The following GRIP1 variants were observed in gnomAD, a reference collection of about 807,000 sequenced individuals.
GRIP1 encodes the protein glutamate receptor-interacting protein 1.
A neutral mutation model predicts 129.9 loss-of-function variants in GRIP1; 45 were observed. The ratio of observed to expected loss-of-function variants is 0.35; its 90% confidence interval spans 0.27 to 0.44. The LOEUF (loss-of-function observed/expected upper bound fraction) is 0.44, where lower values mean the gene tolerates loss of function less well. Among genes scored for constraint, GRIP1 ranks in the 20% least tolerant of loss-of-function variants. The pLI, the probability that GRIP1 is intolerant of heterozygous loss-of-function variation, is 1.00. For synonymous variants in GRIP1, 530 were observed against 520.8 expected (o/e 1.02, Z -0.24); for missense variants, 1,196 against 1,396.8 (o/e 0.86, Z 2.29).
intron 1 of GRIP1, among the ~76,000 whole-genome samples, chr12:66,741,007 T>C (rs1469130117): frequency 6.6e-6 from 1 of 152,046 alleles, no homozygotes; most frequent in Non-Finnish European, 1.5e-5. Flanking sequence ...AGAAAAAAAA[T>C]GTCCAATTTG....
At chr12:66,972,297 T>C (rs2042086593) in intron 1 of GRIP1, among the ~76,000 whole-genome samples, 6 of 152,216 alleles carry the variant, frequency 3.9e-5, no homozygotes. Flanking sequence ...AAGCTTACTA[T>C]TCTTTGAGGC....
At position 66,933,741 on chromosome 12, in the gene GRIP1, T is replaced by C. The variant is rs534667608; in HGVS notation, c.58+135309A>G. Among the ~76,000 whole-genome samples the C allele has an allele frequency of 1.4e-4, 21 of 152,310 alleles. 1 individual carries two copies. Among genetic ancestry groups the C allele is most frequent in the African/African-American group, 4.6e-4 (19 of 41,586 alleles). On this transcript the variant is annotated intron_variant, in intron 1 of 1. Transcript: ENST00000643019. Reference sequence around the variant, plus strand: ...TATATAGTACAATAATGTTTATTCATGTCAAGCTGGAATTTGCTTCCCTTC... The same window carrying C: ...TATATAGTACAATAATGTTTATTCACGTCAAGCTGGAATTTGCTTCCCTTC...
chr12:66,945,475 G>A (rs897340973), intron 1 of GRIP1, among the ~76,000 whole-genome samples: 9 of 152,062 alleles, frequency 5.9e-5, no homozygotes, highest in East Asian at 1.9e-4. Flanking sequence ...TGCCACCTGC[G>A]CAGCTTCTGG....
intron 7 of GRIP1, among the ~76,000 whole-genome samples, chr12:66,501,872 C>T (rs913632189): frequency 8.5e-5 from 13 of 152,112 alleles, no homozygotes; most frequent in African/African-American, 2.9e-4. Context: ...AATGGCTTCA[C>T]AGCAGCATGT....
chr12:66,477,414 A>G (rs11532478), intron 7 of GRIP1, among the ~76,000 whole-genome samples: 39,681 of 150,564 alleles, frequency 0.26, 5,485 homozygotes, highest in Middle Eastern at 0.44. Flanking sequence ...CCATGCTCAT[A>G]GATAGGAAGA....
At chr12:66,684,678 C>G (rs1394556230) in intron 1 of GRIP1, among the ~76,000 whole-genome samples, 3 of 152,056 alleles carry the variant, frequency 2.0e-5, no homozygotes, top group Non-Finnish European at 4.4e-5. Flanking sequence ...AACCCTGTGT[C>G]TACTAAAAAC....
At chr12:66,643,963 A>C (rs967280748) in intron 1 of GRIP1, among the ~76,000 whole-genome samples, 1 of 152,200 alleles carries the variant, frequency 6.6e-6, no homozygotes, top group Non-Finnish European at 1.5e-5. Flanking sequence ...GACTGGGAAG[A>C]AAAAGATGTT....
chr12:66,434,993 T>C (rs1217610577), intron 13 of GRIP1, among the ~76,000 whole-genome samples: 1 of 152,190 alleles, frequency 6.6e-6, no homozygotes, highest in Non-Finnish European at 1.5e-5. Flanking sequence ...GGAGTGCATG[T>C]TTCTTGCTGG....
chr12:67,041,326 A>ATG (rs756600925), intron 1 of GRIP1, among the ~76,000 whole-genome samples: 1 of 150,650 alleles, frequency 6.6e-6, no homozygotes, highest in South Asian at 2.1e-4. Context: ...ACACGTGTGT[A>ATG]TGTGTGTGTG....
chr12:66,519,844 GAGA>G (rs1246760395), intron 5 of GRIP1, among the ~76,000 whole-genome samples: 1 of 152,200 alleles, frequency 6.6e-6, no homozygotes, highest in Non-Finnish European at 1.5e-5. Flanking sequence ...AGAATTACTA[GAGA>G]AGGTTTCCTT....
At chr12:67,043,777 A>G (rs185396647) in intron 1 of GRIP1, among the ~76,000 whole-genome samples, 1 of 152,346 alleles carries the variant, frequency 6.6e-6, no homozygotes. Flanking sequence ...ACTATAAGCT[A>G]CTGCACATTA....
At chr12:66,519,974 A>G (rs189940354) in intron 5 of GRIP1, among the ~76,000 whole-genome samples, 130 of 152,326 alleles carry the variant, frequency 8.5e-4, no homozygotes, top group African/African-American at 3.0e-3. Flanking sequence ...CCAGAACATC[A>G]TTTTTATTCT....
At chr12:66,567,739 C>T (rs1048852464) in intron 2 of GRIP1, 1 of 219,518 alleles carries the variant, frequency 4.6e-6, no homozygotes, top group South Asian at 8.1e-5. Context: ...CAGAAGGCTT[C>T]TCATCCTTTG....
chr12:66,957,827 T>C (rs1476600024), intron 1 of GRIP1, among the ~76,000 whole-genome samples: 3 of 152,210 alleles, frequency 2.0e-5, no homozygotes, highest in Non-Finnish European at 4.4e-5. Context: ...TTCCATACTC[T>C]ACTCTTTGGA....
At chr12:66,453,989 A>G (rs993651964) in intron 11 of GRIP1, among the ~76,000 whole-genome samples, 1 of 152,216 alleles carries the variant, frequency 6.6e-6, no homozygotes, top group Non-Finnish European at 1.5e-5. Flanking sequence ...ACTAAACTCA[A>G]TCTTCCACTT....
At chr12:66,871,311 A>G (rs1407088406) in intron 1 of GRIP1, among the ~76,000 whole-genome samples, 4 of 152,118 alleles carry the variant, frequency 2.6e-5, no homozygotes, top group African/African-American at 9.7e-5. Context: ...TCCCAGTTAT[A>G]TATTTCTAGC....
intron 15 of GRIP1, among the ~76,000 whole-genome samples, chr12:66,411,201 G>A (rs1286064416): frequency 2.0e-5 from 3 of 152,132 alleles, no homozygotes; most frequent in Admixed American, 2.0e-4. Flanking sequence ...GACTGGGTGT[G>A]ACCTCCCAAC....
chr12:66,880,032 A>C (rs2040448602), intron 1 of GRIP1, among the ~76,000 whole-genome samples: 1 of 152,100 alleles, frequency 6.6e-6, no homozygotes, highest in African/African-American at 2.4e-5. Flanking sequence ...CAAGTGATTA[A>C]TATTGTGCAG....
Position 66,379,277 on chromosome 12 carries a change from T to C in GRIP1, c.2621+3A>G. The C allele has an allele frequency of 6.2e-7, 1 of 1,613,612 alleles. No individual in the cohort carries two copies. The highest frequency in any genetic ancestry group is 1.1e-5 in the South Asian group (1 of 91,058). On this transcript the variant is annotated splice_donor_region_variant and intron_variant, in intron 20 of 24. Transcript: ENST00000359742. ...ATGAGGCAGCATTGGTTGAAAACCT[T>C]ACCCACTGGCTGTGGACCGGTCCCA...
Sources: gnomAD v4.1 joint callset for allele counts (sites outside exome capture counted in the v4.1 genomes callset) on GRCh38, gnomAD v4.1.1 for gene constraint, MANE v1.5 for transcripts, NCBI Gene and HGNC (gene_info 2026-07-23, HGNC 2026-07-21) for gene names.